AAK1: variants seen among roughly 807,000 people sequenced by gnomAD.
The protein encoded by AAK1 is AP2 associated kinase 1.
A neutral mutation model predicts 116.0 loss-of-function variants in AAK1; 37 were observed. The observed-to-expected ratio is 0.32, with a 90% confidence interval of 0.25 to 0.42. The LOEUF is 0.42. Among genes scored for constraint, AAK1 ranks in the 10% least tolerant of loss-of-function variants. The pLI, the probability that AAK1 is intolerant of heterozygous loss-of-function variation, is 1.00. For missense variants in AAK1, 919 were observed against 1,170.6 expected, an observed-to-expected ratio of 0.79 and a Z score of 3.14; for synonymous variants, 458 against 439.9, an observed-to-expected ratio of 1.04 and a Z score of -0.51.
At chr2:69,532,002 G>A in intron 6 of AAK1, 39 bp downstream of exon 6, 1 of 1,609,158 alleles carries the variant, frequency 6.2e-7, no homozygotes, top group Non-Finnish European at 8.5e-7. Flanking sequence ...TTGCTCATCT[G>A]ATTGTGGACA....
intron 9 of AAK1, among the ~76,000 whole-genome samples, chr2:69,525,706 G>A (rs1329450364): frequency 6.6e-6 from 1 of 152,136 alleles, no homozygotes; most frequent in African/African-American, 2.4e-5. Flanking sequence ...ATCTAATAAT[G>A]CCTCATGAGG....
chr2:69,617,566 T>C (rs984984484), intron 2 of AAK1, among the ~76,000 whole-genome samples: 6 of 152,130 alleles, frequency 3.9e-5, no homozygotes, highest in African/African-American at 7.2e-5. Flanking sequence ...GGAGTCCAAG[T>C]TGGGTCAGGG....
chr2:69,508,768 G>C (rs1400258317), intron 14 of AAK1, among the ~76,000 whole-genome samples: 1 of 152,186 alleles, frequency 6.6e-6, no homozygotes, highest in Non-Finnish European at 1.5e-5. Context: ...CCCAGGAGAG[G>C]GCACAGGAGG....
intron 2 of AAK1, among the ~76,000 whole-genome samples, chr2:69,586,716 TCC>T (rs35572312): frequency 6.6e-6 from 1 of 152,196 alleles, no homozygotes; most frequent in Non-Finnish European, 1.5e-5. Context: ...CTAGGGCCAC[TCC>T]CGGGCTCACA....
chr2:69,483,509 T>C (rs907284906), intron 17 of AAK1, among the ~76,000 whole-genome samples: 2 of 152,212 alleles, frequency 1.3e-5, no homozygotes, highest in Non-Finnish European at 1.5e-5. Context: ...GTTTTTAAGC[T>C]GGTAAAAATA....
intron 17 of AAK1, among the ~76,000 whole-genome samples, chr2:69,486,235 T>C (rs570146208): frequency 6.6e-6 from 1 of 152,248 alleles, no homozygotes; most frequent in African/African-American, 2.4e-5. Flanking sequence ...TTGCTGACAT[T>C]ACAGGTATGA....
intron 2 of AAK1, among the ~76,000 whole-genome samples, chr2:69,615,540 C>T (rs770269293): frequency 4.6e-5 from 7 of 152,266 alleles, no homozygotes; most frequent in Non-Finnish European, 8.8e-5. Context: ...CCCTCCTCCT[C>T]GCTCCTGGGT....
At chr2:69,600,863 A>T (rs1358114729) in intron 2 of AAK1, among the ~76,000 whole-genome samples, 1 of 152,200 alleles carries the variant, frequency 6.6e-6, no homozygotes, top group Non-Finnish European at 1.5e-5. Flanking sequence ...TTATTTTAAG[A>T]AACTGTCACA....
chr2:69,572,491 C>G (rs543304548), intron 2 of AAK1, among the ~76,000 whole-genome samples: 2 of 151,856 alleles, frequency 1.3e-5, no homozygotes, highest in Non-Finnish European at 2.9e-5. Flanking sequence ...TGGTGGCACA[C>G]AACTGTCATC....
intron 6 of AAK1, 80 bp downstream of exon 6, chr2:69,531,960 CT>C (rs1670277284): frequency 6.4e-7 from 1 of 1,570,294 alleles, no homozygotes; most frequent in African/African-American, 1.4e-5. Flanking sequence ...TCTCCCCACC[CT>C]GACCTTCTCA....
rs775758792 is a variant in AAK1 at position 69,521,609 on chromosome 2, A to C, written c.1056-621T>G. Among the ~76,000 whole-genome samples the C allele has an allele frequency of 2.0e-5, 3 of 152,364 alleles. No homozygotes were observed. In the East Asian group the frequency reaches 5.8e-4, roughly 29 times the overall value. ...ACTATCTTTTTTCCACAGTAACAGA[A>C]GTTTTAGCTGGGCACAGGGTCACCC... On this transcript the variant is annotated intron_variant, in intron 10 of 21. Coordinates refer to ENST00000409085, the MANE Select transcript of AAK1 (RefSeq NM_014911.5).
intron 2 of AAK1, among the ~76,000 whole-genome samples, chr2:69,594,488 T>C (rs993225832): frequency 6.6e-6 from 1 of 152,246 alleles, no homozygotes; most frequent in Non-Finnish European, 1.5e-5. Flanking sequence ...TGCTTTATAC[T>C]TAACCACATG....
At chr2:69,586,357 C>T (rs1221719566) in intron 2 of AAK1, among the ~76,000 whole-genome samples, 3 of 152,082 alleles carry the variant, frequency 2.0e-5, no homozygotes, top group African/African-American at 7.2e-5. Context: ...GGACTTTTGG[C>T]ACAAGGTAAC....
At chr2:69,557,409 C>A (rs1186665871) in intron 2 of AAK1, among the ~76,000 whole-genome samples, 1 of 151,692 alleles carries the variant, frequency 6.6e-6, no homozygotes, top group African/African-American at 2.4e-5. Flanking sequence ...TCAATCGATC[C>A]TCCCACCTCA....
intron 9 of AAK1, among the ~76,000 whole-genome samples, chr2:69,526,557 C>T (rs1345875460): frequency 1.3e-5 from 2 of 152,168 alleles, no homozygotes; most frequent in African/African-American, 4.8e-5. Context: ...ATCCATCCTC[C>T]TCGGCCTCCC....
chr2:69,642,739 A>ACAATG, intron 2 of AAK1, 139 bp downstream of exon 2: 1 of 1,236,072 alleles, frequency 8.1e-7, no homozygotes, highest in South Asian at 1.4e-5. Flanking sequence ...TCTCTCAAGG[A>ACAATG]CAATGACTCA....
At chr2:69,479,124 C>T (rs112728376) in intron 19 of AAK1, 63 bp from the exon 20 acceptor site, 31 of 1,120,374 alleles carry the variant, frequency 2.8e-5, no homozygotes, top group East Asian at 1.9e-4. Flanking sequence ...ACAACAATAT[C>T]ATGAGATTAG....
At chr2:69,476,508 A>G (rs1267256567) in intron 21 of AAK1, among the ~76,000 whole-genome samples, 9 of 152,238 alleles carry the variant, frequency 5.9e-5, no homozygotes, top group Admixed American at 5.9e-4. Flanking sequence ...GAATGATACC[A>G]AAACACAGCT....
At chr2:69,491,531 T>C (rs1035038516) in intron 17 of AAK1, among the ~76,000 whole-genome samples, 8 of 152,308 alleles carry the variant, frequency 5.3e-5, no homozygotes, top group African/African-American at 1.7e-4. Context: ...CCTTTACCCA[T>C]AGTTTGACAA....
Sources: allele counts gnomAD v4.1 joint callset (sites outside exome capture counted in the v4.1 genomes callset), GRCh38; gene constraint gnomAD v4.1.1; transcripts MANE v1.5; gene names NCBI Gene and HGNC (gene_info 2026-07-23, HGNC 2026-07-21).